The following NAALADL2 variants were observed in gnomAD, a reference collection of about 807,000 sequenced individuals.
NAALADL2 encodes N-acetylated alpha-linked acidic dipeptidase like 2.
NAALADL2 carries 76 observed loss-of-function variants against 87.2 expected under a neutral mutation model. The observed-to-expected ratio is 0.87, with a 90% confidence interval of 0.72 to 1.05. The LOEUF is 1.05. Ranked by LOEUF, NAALADL2 falls within the 50% of genes least tolerant of loss-of-function variation. The pLI is 0.00. For missense variants in NAALADL2, 1,089 were observed against 945.8 expected (o/e 1.15, Z -1.99); for synonymous variants, 354 against 331.0 (o/e 1.07, Z -0.75).
At chr3:175,348,196 C>A (rs1394730997) in intron 5 of NAALADL2, among the ~76,000 whole-genome samples, 1 of 152,082 alleles carries the variant, frequency 6.6e-6, no homozygotes, top group Non-Finnish European at 1.5e-5. Context: ...GGATTACAGT[C>A]ATGTGCCACC....
At chr3:175,309,099 T>A (rs984589899) in intron 4 of NAALADL2, among the ~76,000 whole-genome samples, 5 of 152,178 alleles carry the variant, frequency 3.3e-5, no homozygotes, top group African/African-American at 1.2e-4. Context: ...GTGAAATAGA[T>A]CCCTTCTTTT....
chr3:175,772,953 G>A (rs1459452673), intron 13 of NAALADL2, among the ~76,000 whole-genome samples: 1 of 152,126 alleles, frequency 6.6e-6, no homozygotes, highest in Admixed American at 6.6e-5. Context: ...AAAAGGTGAA[G>A]AAATAGATAC....
At chr3:175,190,804 G>T (rs1027484951) in intron 2 of NAALADL2, among the ~76,000 whole-genome samples, 1 of 151,726 alleles carries the variant, frequency 6.6e-6, no homozygotes, top group Non-Finnish European at 1.5e-5. Flanking sequence ...GTGAAACCCC[G>T]TCTCTACTAA....
At chr3:174,755,893 C>T (rs1160880687) in intron 3 of NAALADL2, among the ~76,000 whole-genome samples, 1 of 152,198 alleles carries the variant, frequency 6.6e-6, no homozygotes, top group Admixed American at 6.5e-5. Context: ...GCAAGGCTAG[C>T]TCTTTGCTTT....
chr3:175,596,077 C>G (rs1285268687), intron 10 of NAALADL2, among the ~76,000 whole-genome samples: 1 of 151,658 alleles, frequency 6.6e-6, no homozygotes, highest in Non-Finnish European at 1.5e-5. Context: ...AATTTTAATT[C>G]TGTTTTTTAA....
rs200984112 is a variant in NAALADL2, at chr3:175,466,976, C to A, written c.1328-3C>A. ...AATGGCTCTTGTCCCTTTCTATTTT[C>A]AGACCGGTATATCATAGTTGGCAGC... On this transcript the variant is annotated splice_polypyrimidine_tract_variant and splice_region_variant and intron_variant, in intron 7 of 13. Transcript: ENST00000454872. The A allele has an allele frequency of 1.1e-5, 18 of 1,608,302 alleles. No homozygotes were observed. The Admixed American group carries it at 2.8e-4, about 25-fold the overall frequency.
chr3:175,753,199 C>T (rs1194673092), intron 12 of NAALADL2, among the ~76,000 whole-genome samples: 1 of 152,122 alleles, frequency 6.6e-6, no homozygotes, highest in African/African-American at 2.4e-5. Flanking sequence ...TTTCAGTGAG[C>T]AGGGAGCTAC....
chr3:175,065,949 C>A (rs76716830), intron 1 of NAALADL2, among the ~76,000 whole-genome samples: 2 of 152,060 alleles, frequency 1.3e-5, no homozygotes, highest in East Asian at 3.9e-4. Flanking sequence ...TAACGGTATT[C>A]GGTCTTAATG....
intron 1 of NAALADL2, among the ~76,000 whole-genome samples, chr3:174,511,624 A>C (rs1719604066): frequency 6.6e-6 from 1 of 151,576 alleles, no homozygotes; most frequent in African/African-American, 2.4e-5. Context: ...TTTTAATTAG[A>C]GTATTTAGAC....
chr3:174,756,788 T>G (rs1712144174), intron 3 of NAALADL2, among the ~76,000 whole-genome samples: 1 of 152,220 alleles, frequency 6.6e-6, no homozygotes, highest in Non-Finnish European at 1.5e-5. Flanking sequence ...GTGACCTATT[T>G]GTTCTCATAC....
At chr3:174,935,008 C>T (rs1737478143) in intron 1 of NAALADL2, among the ~76,000 whole-genome samples, 1 of 151,472 alleles carries the variant, frequency 6.6e-6, no homozygotes, top group Admixed American at 6.6e-5. Context: ...ATGAACTGTC[C>T]TGCCTAGCAT....
intron 1 of NAALADL2, among the ~76,000 whole-genome samples, chr3:174,481,809 A>G (rs1176802255): frequency 2.0e-5 from 3 of 152,092 alleles, no homozygotes; most frequent in Admixed American, 2.0e-4. Flanking sequence ...ATGAGTTTTG[A>G]CAATAGAGGT....
At chr3:174,567,666 T>A (rs1019215102) in intron 2 of NAALADL2, among the ~76,000 whole-genome samples, 2 of 151,690 alleles carry the variant, frequency 1.3e-5, no homozygotes, top group Non-Finnish European at 3.0e-5. Flanking sequence ...CTTTTAAAAA[T>A]AGATAAGTCG....
Position 174,441,787 on chromosome 3 carries a change from C to T in NAALADL2, c.-184+755C>T, listed in dbSNP as rs1269251846. 2.0e-5 allele frequency among the ~76,000 whole-genome samples: 3 copies of T among 151,244 alleles called. No individual in the cohort carries two copies. In the East Asian group the frequency reaches 5.8e-4, roughly 29 times the overall value. On this transcript the variant is annotated intron_variant, in intron 1 of 3. Transcript: ENST00000434257. ...TCTTGGTGCCTTGTGTTCTTTTCCC[C>T]CTCACTTTTAGAATAGCAATTGAAT...
chr3:174,911,719 CCTGT>C (rs1394430525), intron 1 of NAALADL2, among the ~76,000 whole-genome samples: 1 of 152,078 alleles, frequency 6.6e-6, no homozygotes, highest in African/African-American at 2.4e-5. Context: ...ACCTTATATT[CCTGT>C]CTGTTTCCCT....
intron 4 of NAALADL2, among the ~76,000 whole-genome samples, chr3:175,278,612 C>A (rs957555654): frequency 6.6e-6 from 1 of 152,008 alleles, no homozygotes; most frequent in African/African-American, 2.4e-5. Flanking sequence ...ATAAAAAGTT[C>A]TTTTCTGGTG....
chr3:174,538,418 A>T (rs1721920448), intron 1 of NAALADL2, among the ~76,000 whole-genome samples: 1 of 152,126 alleles, frequency 6.6e-6, no homozygotes, highest in Non-Finnish European at 1.5e-5. Flanking sequence ...GAGACTGACA[A>T]TGCAGACTCT....
chr3:175,263,716 A>C (rs1332631177), intron 4 of NAALADL2, among the ~76,000 whole-genome samples: 2 of 151,816 alleles, frequency 1.3e-5, no homozygotes, highest in Admixed American at 6.6e-5. Flanking sequence ...TAAAATAGCA[A>C]GGAAGAGAGA....
At chr3:174,998,498 T>C (rs1329996009) in intron 1 of NAALADL2, among the ~76,000 whole-genome samples, 1 of 152,250 alleles carries the variant, frequency 6.6e-6, no homozygotes, top group Admixed American at 6.5e-5. Context: ...ATTTAGGTTT[T>C]CTGATCTGCA....
Sources: gnomAD v4.1 joint callset for allele counts (sites outside exome capture counted in the v4.1 genomes callset) on GRCh38, gnomAD v4.1.1 for gene constraint, MANE v1.5 for transcripts, NCBI Gene and HGNC (gene_info 2026-07-23, HGNC 2026-07-21) for gene names.